CYP7B1: variants seen among roughly 807,000 people sequenced by gnomAD.
The protein encoded by CYP7B1 is cytochrome P450 7B1.
CYP7B1 carries 29 observed loss-of-function variants against 42.7 expected under a neutral mutation model. The observed-to-expected ratio is 0.68, with a 90% CI of 0.51 to 0.93. CYP7B1 has a LOEUF of 0.93. Ranked by LOEUF, CYP7B1 falls within the 40% of genes least tolerant of loss-of-function variation. CYP7B1 has a pLI of 0.00. For missense variants in CYP7B1, 655 were observed against 600.5 expected (o/e 1.09, Z -0.95); for synonymous variants, 235 against 218.2 (o/e 1.08, Z -0.68).
At chr8:64,686,018 A>G (rs1231034246) in intron 1 of CYP7B1, among the ~76,000 whole-genome samples, 55 of 54,340 alleles carry the variant, frequency 1.0e-3, no homozygotes, top group African/African-American at 1.7e-3. Flanking sequence ...GGAGCCCCTC[A>G]GCCCGGCCAG....
rs530319358 is a variant in CYP7B1, at chr8:64,697,483, A to G, written c.123-72944T>C. On this transcript the variant is annotated intron_variant, in intron 1 of 5. Transcript: ENST00000310193. ...CATTTCTGTATAACCAACACCTAGG[A>G]TAGTGCCAGGCACAGAGTCAGCATT... Among the ~76,000 whole-genome samples the G allele has an allele frequency of 1.8e-3, 272 of 152,294 alleles. 1 individual carries two copies. The highest frequency in any genetic ancestry group is 6.2e-3 in the African/African-American group (256 of 41,568).
intron 1 of CYP7B1, among the ~76,000 whole-genome samples, chr8:64,746,051 A>G (rs141955777): frequency 1.4e-4 from 21 of 152,248 alleles, no homozygotes; most frequent in African/African-American, 5.1e-4. Context: ...TTTTTCCACT[A>G]AAAATTTTAA....
chr8:64,599,131 A>G lies in CYP7B1; in HGVS notation c.1234-2202T>C, dbSNP rs1379511220. 5.3e-5 allele frequency among the ~76,000 whole-genome samples: 8 copies of G among 152,154 alleles called. No individual in the cohort carries two copies. In the East Asian group the frequency reaches 1.4e-3, roughly 26 times the overall value. ...CAAAGGTACAGGAAGCTCAAGATGTATCCATTCATTTGGAAAAACTTAAAC... is the reference window on the plus strand; with the variant it reads ...CAAAGGTACAGGAAGCTCAAGATGTGTCCATTCATTTGGAAAAACTTAAAC... On this transcript the variant is annotated intron_variant, in intron 5 of 5. Coordinates refer to ENST00000310193, the MANE Select transcript of CYP7B1 (RefSeq NM_004820.5).
intron 1 of CYP7B1, among the ~76,000 whole-genome samples, chr8:64,654,006 T>C (rs1444809832): frequency 6.6e-6 from 1 of 152,130 alleles, no homozygotes; most frequent in African/African-American, 2.4e-5. Flanking sequence ...AAATAGATAT[T>C]GTAGAAACAC....
At chr8:64,796,887 G>A (rs13248549) in intron 1 of CYP7B1, among the ~76,000 whole-genome samples, 16,452 of 151,740 alleles carry the variant, frequency 0.11, 1,203 homozygotes, top group Non-Finnish European at 0.17. Context: ...GTTCTTAGAG[G>A]TGATATCTGA....
chr8:64,778,639 G>A (rs1299636381), intron 1 of CYP7B1, among the ~76,000 whole-genome samples: 2 of 151,960 alleles, frequency 1.3e-5, no homozygotes, highest in African/African-American at 4.8e-5. Flanking sequence ...TAATTCCCAG[G>A]GGGTGAAAAT....
Position 64,624,476 on chromosome 8 carries a change from T to G in CYP7B1, c.186A>C (p.Leu62Phe), listed in dbSNP as rs778714842. 3.1e-6 allele frequency: 5 copies of G among 1,613,424 alleles called. No individual in the cohort carries two copies. Among genetic ancestry groups the G allele is most frequent in the Non-Finnish European group, 4.2e-6 (5 of 1,179,896 alleles). ...WLPYLGVVLNLRKDPLRFMKT... is the reference protein window; with the variant it reads ...WLPYLGVVLNFRKDPLRFMKT... ...TCATGAACCTTAAGGGGTCTTTTCG[T>G]AAGTTCAGGACCACTCCAAGATAAG... Residue 62 changes from leucine (L) to phenylalanine (F), a missense_variant, in exon 2 of 6, where the codon TTA becomes TTC. Physicochemically the swap from Leu to Phe is conservative, Grantham distance 22. Transcript: ENST00000310193.
chr8:64,666,644 T>A (rs543194725), intron 1 of CYP7B1, among the ~76,000 whole-genome samples: 1 of 152,220 alleles, frequency 6.6e-6, no homozygotes, highest in Non-Finnish European at 1.5e-5. Context: ...ACTGATTTAA[T>A]GAAGGTAAAT....
chr8:64,685,846 C>T lies in CYP7B1; in HGVS notation c.123-61307G>A, dbSNP rs369419288. Reference sequence around the variant, plus strand: ...GAGGTGGGGGGTCAGCTCCCCCGCCCGGCCAGCCGTGCCATCCGGGAGGGA... The same window carrying T: ...GAGGTGGGGGGTCAGCTCCCCCGCCTGGCCAGCCGTGCCATCCGGGAGGGA... On this transcript the variant is annotated intron_variant, in intron 1 of 5. Coordinates refer to ENST00000310193, the MANE Select transcript of CYP7B1 (RefSeq NM_004820.5). Among the ~76,000 whole-genome samples the T allele has an allele frequency of 2.9e-4, 14 of 48,184 alleles. 1 individual carries two copies. In the East Asian group the frequency reaches 3.4e-3, roughly 12 times the overall value. The allele number at this position is 48,184 out of a possible 152,430, so 31.6% of individuals were successfully genotyped here.
intron 1 of CYP7B1, among the ~76,000 whole-genome samples, chr8:64,693,060 T>C (rs1806771434): frequency 6.6e-6 from 1 of 152,228 alleles, no homozygotes; most frequent in South Asian, 2.1e-4. Flanking sequence ...CTCAGGGCAA[T>C]GACCTTGTGG....
At chr8:64,763,505 C>T (rs958059092) in intron 1 of CYP7B1, among the ~76,000 whole-genome samples, 1 of 152,198 alleles carries the variant, frequency 6.6e-6, no homozygotes, top group Non-Finnish European at 1.5e-5. Flanking sequence ...TGAGTAATAT[C>T]CGACCACTTT....
intron 1 of CYP7B1, among the ~76,000 whole-genome samples, chr8:64,686,024 G>A (rs1806631143): frequency 1.0e-5 from 1 of 96,152 alleles, no homozygotes. Context: ...CCTCAGCCCG[G>A]CCAGCCACCC....
chr8:64,783,256 C>A (rs1445781066), intron 1 of CYP7B1, among the ~76,000 whole-genome samples: 7 of 152,096 alleles, frequency 4.6e-5, no homozygotes, highest in African/African-American at 1.7e-4. Context: ...TGTGAGGGAT[C>A]TAGAGCACGA....
chr8:64,769,789 C>T (rs1037513108), intron 1 of CYP7B1, among the ~76,000 whole-genome samples: 2 of 152,146 alleles, frequency 1.3e-5, no homozygotes, highest in African/African-American at 4.8e-5. Flanking sequence ...CCTTAACCCA[C>T]ACCTCCACCT....
At chr8:64,749,369 C>A (rs1585893128) in intron 1 of CYP7B1, among the ~76,000 whole-genome samples, 1 of 152,102 alleles carries the variant, frequency 6.6e-6, no homozygotes, top group African/African-American at 2.4e-5. Context: ...GTGTGAGCCA[C>A]CAAGCCCAGC....
chr8:64,591,396 G>A lies in CYP7B1; in HGVS notation c.*5246C>T, dbSNP rs558158890. On this transcript the variant is annotated 3_prime_UTR_variant, in exon 6 of 6. Transcript: ENST00000310193. ...AAGTAAACAATAGTTTGCAAGATTG[G>A]CAAATTTAATAGGTTAAAAAATGCA... Among the ~76,000 whole-genome samples the A allele has an allele frequency of 7.9e-5, 12 of 152,200 alleles. No individual in the cohort carries two copies. In the South Asian group the frequency reaches 2.5e-3, roughly 32 times the overall value.
intron 1 of CYP7B1, among the ~76,000 whole-genome samples, chr8:64,657,043 A>G (rs1208784240): frequency 1.3e-5 from 2 of 152,168 alleles, no homozygotes; most frequent in Non-Finnish European, 2.9e-5. Flanking sequence ...TTGATAACAA[A>G]TGATTGGCTT....
intron 2 of CYP7B1, among the ~76,000 whole-genome samples, chr8:64,623,047 GCA>G (rs1563366962): frequency 1.3e-5 from 2 of 152,088 alleles, no homozygotes; most frequent in African/African-American, 4.8e-5. Flanking sequence ...AGCTTACAGA[GCA>G]CAGACAGGAC....
intron 1 of CYP7B1, among the ~76,000 whole-genome samples, chr8:64,750,917 T>C (rs1807716535): frequency 6.6e-6 from 1 of 152,176 alleles, no homozygotes; most frequent in Non-Finnish European, 1.5e-5. Context: ...TGTCCCGCTG[T>C]ACGCTTCTTG....
Sources: gnomAD v4.1 joint callset for allele counts (sites outside exome capture counted in the v4.1 genomes callset) on GRCh38, gnomAD v4.1.1 for gene constraint, MANE v1.5 for transcripts, NCBI Gene and HGNC (gene_info 2026-07-23, HGNC 2026-07-21) for gene names.